The following ERBB4 variants were observed in gnomAD, a reference collection of about 807,000 sequenced individuals.
The protein encoded by ERBB4 is erb-b2 receptor tyrosine kinase 4.
Under a neutral mutation model 158.0 loss-of-function variants are expected in ERBB4, and 42 were observed. That is an observed-to-expected ratio of 0.27 (90% confidence interval 0.21 to 0.34). ERBB4 has a LOEUF of 0.34. ERBB4 is among the 10% of genes least tolerant of loss of function. ERBB4 has a pLI of 1.00. For synonymous variants in ERBB4, 583 were observed against 558.7 expected (o/e 1.04, Z -0.61); for missense variants, 1,333 against 1,624.1 (o/e 0.82, Z 3.08).
At chr2:211,548,379 A>C (rs911403890) in intron 20 of ERBB4, among the ~76,000 whole-genome samples, 1 of 152,070 alleles carries the variant, frequency 6.6e-6, no homozygotes, top group Non-Finnish European at 1.5e-5. Flanking sequence ...CTAAAAACAC[A>C]AAAAGTATTT....
intron 19 of ERBB4, among the ~76,000 whole-genome samples, chr2:211,595,535 G>A (rs2068604102): frequency 6.6e-6 from 1 of 152,026 alleles, no homozygotes; most frequent in Non-Finnish European, 1.5e-5. Context: ...TTAATAATAA[G>A]AAAAGAGATA....
chr2:212,472,528 C>T (rs73063148), intron 1 of ERBB4, among the ~76,000 whole-genome samples: 7,962 of 150,972 alleles, frequency 0.053, 467 homozygotes, highest in African/African-American at 0.14. Flanking sequence ...GTTTTGAGTT[C>T]CATATTAAAA....
intron 2 of ERBB4, among the ~76,000 whole-genome samples, chr2:212,101,547 T>C (rs1250443342): frequency 6.6e-6 from 1 of 151,742 alleles, no homozygotes; most frequent in Non-Finnish European, 1.5e-5. Flanking sequence ...AATCTATCCC[T>C]AGATAAATAA....
At chr2:211,995,001 T>A (rs1227212642) in intron 2 of ERBB4, among the ~76,000 whole-genome samples, 6 of 152,122 alleles carry the variant, frequency 3.9e-5, no homozygotes, top group African/African-American at 1.4e-4. Context: ...TATTAAACTC[T>A]CTCATGGATC....
chr2:211,823,085 T>C (rs865963864), intron 3 of ERBB4, among the ~76,000 whole-genome samples: 3 of 151,984 alleles, frequency 2.0e-5, no homozygotes, highest in Admixed American at 6.6e-5. Context: ...TAGATGAACT[T>C]GTGCTTGGAG....
At chr2:212,217,817 A>G (rs997978174) in intron 1 of ERBB4, among the ~76,000 whole-genome samples, 3 of 151,298 alleles carry the variant, frequency 2.0e-5, no homozygotes, top group African/African-American at 7.3e-5. Context: ...ATAAAATGAG[A>G]TTACAAGGAT....
chr2:211,803,421 G>A (rs2076544115), intron 3 of ERBB4, among the ~76,000 whole-genome samples: 1 of 152,124 alleles, frequency 6.6e-6, no homozygotes, highest in Non-Finnish European at 1.5e-5. Flanking sequence ...TAAACACTCT[G>A]TCAGAAACAA....
intron 1 of ERBB4, among the ~76,000 whole-genome samples, chr2:212,214,296 A>G (rs9973520): frequency 0.56 from 84,152 of 151,450 alleles, 23,597 homozygotes; most frequent in East Asian, 0.77. Context: ...CTTGAGATAT[A>G]TCTAGTGCAA....
intron 1 of ERBB4, among the ~76,000 whole-genome samples, chr2:212,471,483 A>G (rs1689115443): frequency 6.6e-6 from 1 of 151,746 alleles, no homozygotes; most frequent in South Asian, 2.1e-4. Context: ...CAATAAATCG[A>G]GATCTCTGCA....
At chr2:211,755,684 C>A (rs2075273973) in intron 4 of ERBB4, among the ~76,000 whole-genome samples, 1 of 152,144 alleles carries the variant, frequency 6.6e-6, no homozygotes, top group Admixed American at 6.5e-5. Context: ...AAAAATGTAG[C>A]CTTTGCATTC....
At chr2:212,132,448 G>A (rs545393686) in intron 1 of ERBB4, among the ~76,000 whole-genome samples, 49 of 152,238 alleles carry the variant, frequency 3.2e-4, no homozygotes, top group African/African-American at 1.1e-3. Context: ...ATACTGAGTA[G>A]AGCACATGGC....
intron 2 of ERBB4, among the ~76,000 whole-genome samples, chr2:212,004,362 TCTC>T (rs1415348622): frequency 6.6e-6 from 1 of 152,136 alleles, no homozygotes; most frequent in East Asian, 1.9e-4. Context: ...TAGAAAGAAA[TCTC>T]CTTTTGCTTC....
chr2:212,154,397 T>A (rs2080970225), intron 1 of ERBB4, among the ~76,000 whole-genome samples: 1 of 151,688 alleles, frequency 6.6e-6, no homozygotes, highest in African/African-American at 2.4e-5. Context: ...ACACACACAC[T>A]GGGGAGGTGT....
intron 3 of ERBB4, among the ~76,000 whole-genome samples, chr2:211,868,942 GCTTGT>G (rs1253779597): frequency 6.6e-6 from 1 of 152,064 alleles, no homozygotes; most frequent in East Asian, 1.9e-4. Context: ...TAACCATGAT[GCTTGT>G]CTTGATTTTT....
intron 20 of ERBB4, among the ~76,000 whole-genome samples, chr2:211,488,246 C>G (rs1274825106): frequency 6.6e-6 from 1 of 152,096 alleles, no homozygotes; most frequent in East Asian, 1.9e-4. Context: ...AGAAACTATC[C>G]TGAGCACTGT....
chr2:211,787,844 C>T (rs577477648), intron 4 of ERBB4, among the ~76,000 whole-genome samples, 181 bp downstream of exon 4: 1 of 152,148 alleles, frequency 6.6e-6, no homozygotes, highest in East Asian at 1.9e-4. Context: ...AACATGATTT[C>T]CAAAAGAGAA....
intron 25 of ERBB4, among the ~76,000 whole-genome samples, chr2:211,412,100 G>GAA (rs34748836): frequency 2.3e-3 from 333 of 144,854 alleles, no homozygotes; most frequent in Non-Finnish European, 3.9e-3. Context: ...AAGGCTAAGA[G>GAA]AAAAAAAAAA....
intron 20 of ERBB4, among the ~76,000 whole-genome samples, chr2:211,491,753 T>A (rs868670842): frequency 1.4e-4 from 22 of 152,208 alleles, no homozygotes; most frequent in Middle Eastern, 6.8e-3. Context: ...ATGAATGAGA[T>A]CAATGGAAAC....
intron 1 of ERBB4, among the ~76,000 whole-genome samples, chr2:212,427,703 T>C (rs1310651471): frequency 1.3e-5 from 2 of 152,116 alleles, no homozygotes; most frequent in African/African-American, 4.8e-5. Flanking sequence ...ATAAAGGAAA[T>C]ATTTGTGAGC....
Sources: allele counts gnomAD v4.1 joint callset (sites outside exome capture counted in the v4.1 genomes callset), GRCh38; gene constraint gnomAD v4.1.1; transcripts MANE v1.5; gene names NCBI Gene and HGNC (gene_info 2026-07-23, HGNC 2026-07-21).